Variants in RAB38 observed in about 807,000 individuals in gnomAD.
RAB38 encodes ras-related protein Rab-38.
In RAB38, 15 loss-of-function variants were observed where a neutral mutation model predicts 18.4. The ratio of observed to expected loss-of-function variants is 0.82; its 90% confidence interval spans 0.55 to 1.26. The LOEUF is 1.26. Ranked by LOEUF, RAB38 falls within the 50% of genes most tolerant of loss-of-function variation. The probability of loss-of-function intolerance (pLI) is 0.00; values close to 1 mark genes in which losing one functional copy is unlikely to be tolerated. For synonymous variants in RAB38, 101 were observed against 104.4 expected, an observed-to-expected ratio of 0.97 and a Z score of 0.20; for missense variants, 294 against 267.4, an observed-to-expected ratio of 1.10 and a Z score of -0.69.
At chr11:88,165,691 C>T (rs554236369) in intron 1 of RAB38, 1 of 152,178 alleles carries the variant, frequency 6.6e-6, no homozygotes, top group African/African-American at 2.4e-5. Context: ...AGTCATAACA[C>T]ATTTGAAACT....
At chr11:88,086,988 C>CA in the RAB38 span, among the ~76,000 whole-genome samples, 1 of 151,678 alleles carries the variant, frequency 6.6e-6, no homozygotes, top group Non-Finnish European at 1.5e-5. Context: ...TGGAGGACGG[C>CA]AAAAATGTCC....
the RAB38 span, among the ~76,000 whole-genome samples, chr11:87,812,287 C>T: frequency 2.0e-5 from 3 of 152,046 alleles, no homozygotes; most frequent in East Asian, 3.9e-4. Flanking sequence ...CTTGGGGATG[C>T]TCTGATTGCC....
At chr11:88,106,675 T>C in the RAB38 span, among the ~76,000 whole-genome samples, 86 of 152,250 alleles carry the variant, frequency 5.6e-4, no homozygotes, top group African/African-American at 2.0e-3. Flanking sequence ...TATGGAAAAT[T>C]TCAGACTCAT....
At chr11:87,923,614 C>T in the RAB38 span, among the ~76,000 whole-genome samples, 1 of 151,012 alleles carries the variant, frequency 6.6e-6, no homozygotes, top group African/African-American at 2.4e-5. Context: ...CAATCTAATG[C>T]AGATACATTT....
the RAB38 span, among the ~76,000 whole-genome samples, chr11:87,860,597 G>T: frequency 1.4e-4 from 22 of 151,940 alleles, 1 homozygote; most frequent in Middle Eastern, 0.01. Context: ...ATATTAAAAT[G>T]AATTGAAACC....
chr11:88,056,790 C>T, the RAB38 span, among the ~76,000 whole-genome samples: 2 of 149,902 alleles, frequency 1.3e-5, no homozygotes, highest in African/African-American at 4.9e-5. Context: ...GACAACAGAG[C>T]GAGACTCCGT....
the RAB38 span, among the ~76,000 whole-genome samples, chr11:88,092,644 T>C: frequency 9.9e-5 from 15 of 151,942 alleles, no homozygotes; most frequent in African/African-American, 3.6e-4. Context: ...GCAAAATATC[T>C]GAACCATGTC....
chr11:87,856,121 C>T, the RAB38 span, among the ~76,000 whole-genome samples: 1 of 152,150 alleles, frequency 6.6e-6, no homozygotes, highest in Non-Finnish European at 1.5e-5. Flanking sequence ...GCTACAAATT[C>T]TCCAAATTTA....
At chr11:88,171,074 T>C (rs1943306732) in intron 1 of RAB38, among the ~76,000 whole-genome samples, 1 of 152,168 alleles carries the variant, frequency 6.6e-6, no homozygotes, top group Non-Finnish European at 1.5e-5. Context: ...GGAGATCAAG[T>C]GGGAAAATGT....
At chr11:88,026,489 G>A in the RAB38 span, among the ~76,000 whole-genome samples, 1 of 149,804 alleles carries the variant, frequency 6.7e-6, no homozygotes, top group Non-Finnish European at 1.5e-5. Flanking sequence ...TGTGAACCCG[G>A]GAGGCGGAGG....
At chr11:88,052,024 A>G in the RAB38 span, among the ~76,000 whole-genome samples, 5 of 152,048 alleles carry the variant, frequency 3.3e-5, no homozygotes, top group African/African-American at 1.2e-4. Flanking sequence ...TTGGGAGGCT[A>G]AAGCAGGAGA....
At chr11:87,925,674 G>T in the RAB38 span, among the ~76,000 whole-genome samples, 1 of 152,064 alleles carries the variant, frequency 6.6e-6, no homozygotes, top group Non-Finnish European at 1.5e-5. Flanking sequence ...CCCAAGAGGT[G>T]ATCTCACACT....
At chr11:87,939,023 GC>G in the RAB38 span, among the ~76,000 whole-genome samples, 2 of 151,876 alleles carry the variant, frequency 1.3e-5, no homozygotes, top group East Asian at 3.9e-4. Context: ...TTTAGTACCT[GC>G]CAGATAACGA....
chr11:88,116,907 C>T (rs567915449), intron 2 of RAB38, among the ~76,000 whole-genome samples: 3 of 152,170 alleles, frequency 2.0e-5, no homozygotes, highest in South Asian at 2.1e-4. Flanking sequence ...GAATTCAATG[C>T]GTGTGGGAAA....
the RAB38 span, among the ~76,000 whole-genome samples, chr11:87,893,391 T>TG: frequency 1.5e-4 from 1 of 6,662 alleles, no homozygotes; most frequent in Non-Finnish European, 1.0e-3. Context: ...TATATATATA[T>TG]TTTTTTTTTA....
chr11:88,049,789 T>C, the RAB38 span, among the ~76,000 whole-genome samples: 2 of 152,208 alleles, frequency 1.3e-5, no homozygotes, highest in African/African-American at 4.8e-5. Flanking sequence ...GTGAAAGGGA[T>C]ATTTTAGAGT....
chr11:87,959,972 A>G, the RAB38 span, among the ~76,000 whole-genome samples: 1 of 152,170 alleles, frequency 6.6e-6, no homozygotes, highest in Non-Finnish European at 1.5e-5. Flanking sequence ...TTCTTCATTC[A>G]TGTAGCTTAG....
At chr11:87,977,529 TA>T in the RAB38 span, among the ~76,000 whole-genome samples, 4 of 102,150 alleles carry the variant, frequency 3.9e-5, no homozygotes, top group African/African-American at 1.5e-4. Context: ...ATAGATAATA[TA>T]ATTATATCAT....
chr11:87,862,762 A>G, the RAB38 span, among the ~76,000 whole-genome samples: 1 of 151,872 alleles, frequency 6.6e-6, no homozygotes, highest in Non-Finnish European at 1.5e-5. Flanking sequence ...CCAATATACT[A>G]AGTAAATGTT....
Sources: gnomAD v4.1 joint callset for allele counts (sites outside exome capture counted in the v4.1 genomes callset) on GRCh38, gnomAD v4.1.1 for gene constraint, MANE v1.5 for transcripts, NCBI Gene and HGNC (gene_info 2026-07-23, HGNC 2026-07-21) for gene names.